LRMDA: variants seen among roughly 807,000 people sequenced by gnomAD.
LRMDA encodes the protein leucine rich melanocyte differentiation associated.
LRMDA carries 18 observed loss-of-function variants against 29.8 expected under a neutral mutation model. That is an observed-to-expected ratio of 0.60 (90% confidence interval 0.42 to 0.90). LRMDA has a LOEUF of 0.90. LRMDA is among the 40% of genes least tolerant of loss of function. The pLI is 0.00. For synonymous variants in LRMDA, 125 were observed against 109.4 expected (o/e 1.14, Z -0.89); for missense variants, 273 against 273.9 (o/e 1.00, Z 0.02).
At chr10:76,218,115 G>A (rs1464216174) in intron 5 of LRMDA, among the ~76,000 whole-genome samples, 1 of 152,196 alleles carries the variant, frequency 6.6e-6, no homozygotes, top group African/African-American at 2.4e-5. Context: ...GGCCTGGCGG[G>A]AGCATGGAAC....
At chr10:75,482,021 C>T (rs1197471827) in intron 2 of LRMDA, among the ~76,000 whole-genome samples, 1 of 152,174 alleles carries the variant, frequency 6.6e-6, no homozygotes, top group East Asian at 1.9e-4. Context: ...ACATCACGCA[C>T]CTCTCTTTTA....
intron 6 of LRMDA, among the ~76,000 whole-genome samples, chr10:76,388,888 A>G (rs1055899188): frequency 1.3e-5 from 2 of 152,226 alleles, no homozygotes; most frequent in African/African-American, 4.8e-5. Flanking sequence ...TAGCTTGCCT[A>G]AGGTCACATA....
intron 2 of LRMDA, among the ~76,000 whole-genome samples, chr10:75,504,386 T>C (rs1410575843): frequency 6.6e-6 from 1 of 152,124 alleles, no homozygotes; most frequent in African/African-American, 2.4e-5. Flanking sequence ...CTTGCTGAGC[T>C]TTCAGTTGTG....
chr10:76,367,829 A>T (rs2132454052), intron 6 of LRMDA, among the ~76,000 whole-genome samples: 1 of 152,222 alleles, frequency 6.6e-6, no homozygotes, highest in African/African-American at 2.4e-5. Context: ...ATTTAAGCTA[A>T]GAGTGTTGTA....
chr10:76,432,914 A>C (rs976051865), intron 6 of LRMDA, among the ~76,000 whole-genome samples: 1 of 152,160 alleles, frequency 6.6e-6, no homozygotes, highest in African/African-American at 2.4e-5. Context: ...TGTGGTGGCC[A>C]TGTGTGCCAC....
At chr10:75,691,182 G>A (rs201585733) in intron 2 of LRMDA, among the ~76,000 whole-genome samples, 64 of 92,046 alleles carry the variant, frequency 7.0e-4, no homozygotes, top group East Asian at 9.6e-4. Context: ...ATATATCTAT[G>A]TACATAGATA....
chr10:76,174,859 C>A (rs1413722329), intron 5 of LRMDA, among the ~76,000 whole-genome samples: 1 of 149,430 alleles, frequency 6.7e-6, no homozygotes, highest in Non-Finnish European at 1.5e-5. Context: ...GTGGCTCACG[C>A]CTGTAATCCT....
rs138057631 is a variant in LRMDA at position 75,655,070 on chromosome 10, A to G, written c.131+216576A>G. 3.7e-3 allele frequency among the ~76,000 whole-genome samples: 560 copies of G among 152,376 alleles called. 2 individuals are homozygous for G. The highest frequency in any genetic ancestry group is 0.012 in the African/African-American group (517 of 41,588). On this transcript the variant is annotated intron_variant, in intron 2 of 6. Coordinates refer to ENST00000611255, the MANE Select transcript of LRMDA (RefSeq NM_001305581.2). ...TGAAAAGTTATGTGTGTTTGTTATC[A>G]TGAAAACATTAATAATATTAGGATT...
chr10:75,909,155 G>T (rs1008274252), intron 2 of LRMDA, among the ~76,000 whole-genome samples: 1 of 152,146 alleles, frequency 6.6e-6, no homozygotes, highest in African/African-American at 2.4e-5. Flanking sequence ...TAGTAAGGGA[G>T]CTATACAAGT....
At chr10:76,387,547 G>A (rs139086661) in intron 6 of LRMDA, among the ~76,000 whole-genome samples, 2 of 151,620 alleles carry the variant, frequency 1.3e-5, no homozygotes, top group Non-Finnish European at 2.9e-5. Context: ...AAGCTGCAGC[G>A]AGGTATGATC....
chr10:75,499,740 A>G (rs1375685588), intron 2 of LRMDA, among the ~76,000 whole-genome samples: 1 of 152,122 alleles, frequency 6.6e-6, no homozygotes, highest in Non-Finnish European at 1.5e-5. Flanking sequence ...TGCTCACAAT[A>G]GCATTGGGGT....
At chr10:76,530,135 AT>A (rs1843218686) in intron 6 of LRMDA, among the ~76,000 whole-genome samples, 1 of 152,174 alleles carries the variant, frequency 6.6e-6, no homozygotes, top group Non-Finnish European at 1.5e-5. Context: ...TGGACATGCC[AT>A]TTAAAGGTCC....
intron 5 of LRMDA, among the ~76,000 whole-genome samples, chr10:76,127,171 A>G (rs1452221002): frequency 6.6e-5 from 10 of 152,216 alleles, no homozygotes; most frequent in Admixed American, 6.5e-4. Context: ...AAATAAGGTC[A>G]TTTTTTAATT....
In LRMDA at chr10:75,862,211, C is replaced by CACAT. The variant is rs1554830421; in HGVS notation, c.132-173797_132-173796insACAT. On this transcript the variant is annotated intron_variant, in intron 2 of 6. Coordinates refer to ENST00000611255, the MANE Select transcript of LRMDA (RefSeq NM_001305581.2). Reference sequence around the variant, plus strand: ...ACACACACACACACACACACACACACGCACTTAAGTCAGTTTAATGTTTGA... The same window carrying CACAT: ...ACACACACACACACACACACACACACACATGCACTTAAGTCAGTTTAATGTTTGA... Among the ~76,000 whole-genome samples, 9 of 151,682 alleles carry CACAT rather than the reference C, an allele frequency of 5.9e-5. No homozygotes were observed. In the South Asian group the frequency reaches 1.5e-3, roughly 25 times the overall value.
chr10:76,303,246 C>A (rs947095950), intron 5 of LRMDA, among the ~76,000 whole-genome samples: 4 of 137,844 alleles, frequency 2.9e-5, no homozygotes, highest in African/African-American at 1.1e-4. Flanking sequence ...GTAATTAAAT[C>A]GTGTTTTTGA....
At chr10:75,866,694 C>G (rs539063773) in intron 2 of LRMDA, among the ~76,000 whole-genome samples, 148 of 152,276 alleles carry the variant, frequency 9.7e-4, no homozygotes, top group Middle Eastern at 3.4e-3. Flanking sequence ...TTGACCTCAC[C>G]CAGGAACGGC....
At chr10:75,748,801 C>A (rs1011059841) in intron 2 of LRMDA, among the ~76,000 whole-genome samples, 4 of 152,038 alleles carry the variant, frequency 2.6e-5, no homozygotes, top group Admixed American at 1.3e-4. Context: ...ATATAAGACT[C>A]CTATCTTCTA....
rs181186946 is a variant in LRMDA, at chr10:76,145,216, G to A, written c.516+86433G>A. The stretch of plus-strand genomic sequence containing the variant: ...GAGGCTGGCCTCATAAAATGAGTTA[G>A]GGAGGATTCCCTCTTTTTCTATTGA... On this transcript the variant is annotated intron_variant, in intron 5 of 6. Coordinates refer to ENST00000611255, the MANE Select transcript of LRMDA (RefSeq NM_001305581.2). Among the ~76,000 whole-genome samples the A allele has an allele frequency of 5.1e-3, 772 of 152,310 alleles. 4 individuals are homozygous for A. The highest frequency in any genetic ancestry group is 7.3e-3 in the Non-Finnish European group (499 of 68,026).
chr10:75,504,842 T>C (rs1047890281), intron 2 of LRMDA, among the ~76,000 whole-genome samples: 1 of 152,050 alleles, frequency 6.6e-6, no homozygotes, highest in Admixed American at 6.6e-5. Context: ...GTGGGAAACA[T>C]TGGCAATTTA....
Sources: allele counts gnomAD v4.1 joint callset (sites outside exome capture counted in the v4.1 genomes callset), GRCh38; gene constraint gnomAD v4.1.1; transcripts MANE v1.5; gene names NCBI Gene and HGNC (gene_info 2026-07-23, HGNC 2026-07-21).